The following RFC4 variants were observed in gnomAD, a reference collection of about 807,000 sequenced individuals.
RFC4 encodes the protein replication factor C subunit 4, also known as A1 37 kDa subunit.
In RFC4, 38 loss-of-function variants were observed where a neutral mutation model predicts 47.6. The observed-to-expected ratio is 0.80, with a 90% CI of 0.62 to 1.05. The LOEUF is 1.05. Ranked by LOEUF, RFC4 falls within the 50% of genes least tolerant of loss-of-function variation. The pLI is 0.00. For synonymous variants in RFC4, 164 were observed against 150.0 expected (o/e 1.09, Z -0.68); for missense variants, 489 against 434.0 (o/e 1.13, Z -1.13).
rs1579174387 is a variant in RFC4, at chr3:186,790,415, T to C, written c.802-9A>G. Reference sequence around the variant, plus strand: ...TTCTCAGCTGGTATTACCTAGGTAATTGAATGTTCGGTATTAAAGATGTTT... The same window carrying C: ...TTCTCAGCTGGTATTACCTAGGTAACTGAATGTTCGGTATTAAAGATGTTT... On this transcript the variant is annotated splice_polypyrimidine_tract_variant and intron_variant, in intron 8 of 10. Coordinates refer to ENST00000296273, the MANE Select transcript of RFC4 (RefSeq NM_002916.5). 1.3e-6 allele frequency: 2 copies of C among 1,595,314 alleles called. No homozygotes were observed. The highest frequency in any genetic ancestry group is 8.6e-7 in the Non-Finnish European group (1 of 1,162,914).
intron 2 of RFC4, among the ~76,000 whole-genome samples, chr3:186,804,088 C>T (rs1722421523): frequency 6.6e-6 from 1 of 152,018 alleles, no homozygotes; most frequent in South Asian, 2.1e-4. Flanking sequence ...GAGGCTGAGG[C>T]AGGATAATCA....
At chr3:186,794,887 G>C in intron 4 of RFC4, 110 bp from the exon 5 acceptor site, 1 of 1,181,138 alleles carries the variant, frequency 8.5e-7, no homozygotes, top group Non-Finnish European at 1.2e-6. Flanking sequence ...AAACAACATG[G>C]ATAGAAGGCA....
At chr3:186,804,317 C>T (rs1479608793) in intron 2 of RFC4, among the ~76,000 whole-genome samples, 1 of 152,164 alleles carries the variant, frequency 6.6e-6, no homozygotes, top group Admixed American at 6.5e-5. Context: ...TTGTTTTCTT[C>T]ACTTCTGTAT....
At position 186,793,015 on chromosome 3, in the gene RFC4, G is replaced by T. The variant is rs3917129; in HGVS notation, c.411-68C>A. On this transcript the variant is annotated intron_variant, in intron 5 of 10. Transcript: ENST00000296273. The surrounding 1 kb of genome is among the most constrained non-coding windows in gnomAD (Gnocchi z 4.2). ...ATTGGTTTTAACAGCTTTGTTGAAA[G>T]ATACACGTACCATACAATTCACCCA... 13,771 of 1,295,492 alleles carry T rather than the reference G, an allele frequency of 0.011. 263 individuals are homozygous for T. Among genetic ancestry groups the T allele is most frequent in the East Asian group, 0.081 (3,420 of 42,016 alleles). The allele number at this position is 1,295,492 out of a possible 1,614,324, so 80.2% of individuals were successfully genotyped here. A position where few individuals can be genotyped will look rare whatever the true frequency, so the allele number is the denominator to read the frequency against.
At chr3:186,800,988 T>C (rs1722339359) in intron 3 of RFC4, 129 bp downstream of exon 3, 2 of 664,436 alleles carry the variant, frequency 3.0e-6, no homozygotes, top group South Asian at 3.7e-5. Context: ...ATTGTACAAA[T>C]AGTTATCAAG....
chr3:186,797,492 G>T, intron 4 of RFC4, 43 bp downstream of exon 4: 2 of 1,332,874 alleles, frequency 1.5e-6, no homozygotes, highest in Non-Finnish European at 2.1e-6. Flanking sequence ...GAATTTTGGT[G>T]TCAAATCTTT....
intron 2 of RFC4, among the ~76,000 whole-genome samples, chr3:186,801,853 G>C (rs1171869377): frequency 2.0e-5 from 3 of 151,038 alleles, no homozygotes; most frequent in Admixed American, 6.6e-5. Context: ...GAGAAACACT[G>C]TCTCTACTAA....
rs542251802 is a variant in RFC4, at chr3:186,793,531, A to G, written c.411-584T>C. 6.6e-6 allele frequency among the ~76,000 whole-genome samples: 1 copy of G among 152,300 alleles called. No homozygotes were observed. The highest frequency in any genetic ancestry group is 2.1e-4 in the South Asian group (1 of 4,828). The stretch of plus-strand genomic sequence containing the variant: ...CATTTTACATTCCAACCAGCAATGT[A>G]TGCGGTTTACCATTTCTCCACATCC... On this transcript the variant is annotated intron_variant, in intron 5 of 10. Coordinates refer to ENST00000296273, the MANE Select transcript of RFC4 (RefSeq NM_002916.5). The surrounding 1 kb of genome is among the most constrained non-coding windows in gnomAD (Gnocchi z 4.2).
rs762657058 is a variant in RFC4 at position 186,790,069 on chromosome 3, G to A, written c.997-5C>T. On this transcript the variant is annotated splice_region_variant and splice_polypyrimidine_tract_variant and intron_variant, in intron 10 of 10. Transcript: ENST00000296273. ...TGCTAGGCATTTGTCAACTTCCTAC[G>A]AGAAAAATTTAAGAAATTAGCATCC... 48 of 1,612,314 alleles carry A rather than the reference G, an allele frequency of 3.0e-5. No individual in the cohort carries two copies. Among genetic ancestry groups the A allele is most frequent in the South Asian group, 1.6e-4 (15 of 90,972 alleles).
chr3:186,797,809 C>T (rs979258392), intron 3 of RFC4, among the ~76,000 whole-genome samples, 195 bp from the exon 4 acceptor site: 3 of 152,110 alleles, frequency 2.0e-5, no homozygotes, highest in Admixed American at 2.0e-4. Context: ...CATATACTAC[C>T]ACTTTTTTCC....
At position 186,792,827 on chromosome 3, in the gene RFC4, A is replaced by G; in HGVS notation, c.531T>C (p.Cys177=). The G allele has an allele frequency of 6.2e-7, 1 of 1,613,818 alleles. No homozygotes were observed. The highest frequency in any genetic ancestry group is 1.3e-5 in the African/African-American group (1 of 75,038). ...ACCGACTGACATAGTTACAGATAAG[A>G]CAGAATCGGGTGGTTTTCGACTCCT... ...MEKESKTTRF[C]LICNYVSRII... The change falls in exon 6 of 11, where the codon TGT becomes TGC. Residue 177 remains cysteine (C), a synonymous_variant. Coordinates refer to ENST00000296273, the MANE Select transcript of RFC4 (RefSeq NM_002916.5).
At chr3:186,794,945 T>G in intron 4 of RFC4, 168 bp from the exon 5 acceptor site, 4 of 670,822 alleles carry the variant, frequency 6.0e-6, no homozygotes, top group Middle Eastern at 4.1e-4. Flanking sequence ...GCAGTTAACA[T>G]TTTGGCTTTT....
chr3:186,802,023 CA>C (rs34264551), intron 2 of RFC4, among the ~76,000 whole-genome samples: 4,732 of 92,074 alleles, frequency 0.051, 75 homozygotes, highest in African/African-American at 0.084. Context: ...AACTTTATCT[CA>C]AAAAAAAAAA....
chr3:186,790,066 T>TA lies in RFC4; in HGVS notation c.997-3dup, dbSNP rs1174752154. 6.2e-7 allele frequency: 1 copy of TA among 1,613,130 alleles called. No homozygotes were observed. Among genetic ancestry groups the TA allele is most frequent in the Non-Finnish European group, 8.5e-7 (1 of 1,179,170 alleles). Reference sequence around the variant, plus strand: ...ATCTGCTAGGCATTTGTCAACTTCCTACGAGAAAAATTTAAGAAATTAGCA... The same window carrying TA: ...ATCTGCTAGGCATTTGTCAACTTCCTAACGAGAAAAATTTAAGAAATTAGCA... On this transcript the variant is annotated splice_polypyrimidine_tract_variant and splice_region_variant and intron_variant, in intron 10 of 10. Transcript: ENST00000296273.
At chr3:186,792,272 G>A (rs894280115) in intron 7 of RFC4, among the ~76,000 whole-genome samples, 1 of 152,060 alleles carries the variant, frequency 6.6e-6, no homozygotes, top group Non-Finnish European at 1.5e-5. Context: ...CCTCAGTTTC[G>A]GGTCTCTGAT....
At chr3:186,797,413 A>G in intron 4 of RFC4, 122 bp downstream of exon 4, 1 of 655,686 alleles carries the variant, frequency 1.5e-6, no homozygotes, top group South Asian at 2.1e-5. Flanking sequence ...ATTTTTAAAA[A>G]TCAGAAATAG....
chr3:186,791,654 T>C lies in RFC4; in HGVS notation c.801+71A>G, dbSNP rs765057193. ...GCACTTGCTAAACACCCAGTATTTG[T>C]TGGATGAAAATTTCCTAAAAGCCAC... On this transcript the variant is annotated intron_variant, in intron 8 of 10. Transcript: ENST00000296273. 6.5e-6 allele frequency: 9 copies of C among 1,378,652 alleles called. No homozygotes were observed. The African/African-American group carries it at 1.0e-4, about 15-fold the overall frequency. The allele number at this position is 1,378,652 out of a possible 1,614,324, so 85.4% of individuals were successfully genotyped here.
At chr3:186,790,488 A>G (rs926332321) in intron 8 of RFC4, 82 bp from the exon 9 acceptor site, 3 of 965,726 alleles carry the variant, frequency 3.1e-6, no homozygotes, top group Non-Finnish European at 3.4e-6. Context: ...CCGTGCCCCC[A>G]GTCATTTCTG....
Position 186,789,904 on chromosome 3 carries a change from T to TTTGGTCATTTTA in RFC4, c.*53_*64dup, listed in dbSNP as rs1379876197. 8.8e-6 allele frequency: 9 copies of TTTGGTCATTTTA among 1,023,448 alleles called. No individual in the cohort carries two copies. The highest frequency in any genetic ancestry group is 1.4e-5 in the South Asian group (1 of 71,042). 63.4% of individuals were successfully genotyped at this position (1,023,448 alleles called of 1,614,324 possible). A position where few individuals can be genotyped will look rare whatever the true frequency, so the allele number is the denominator to read the frequency against. ...ATTGTATATTCACTTTAAAGGTGCT[T>TTTGGTCATTTTA]TTGGTCATTTTATTTTTATTACAAC... On this transcript the variant is annotated 3_prime_UTR_variant, in exon 11 of 11. Coordinates refer to ENST00000296273, the MANE Select transcript of RFC4 (RefSeq NM_002916.5).
Sources: gnomAD v4.1 joint callset for allele counts (sites outside exome capture counted in the v4.1 genomes callset) on GRCh38, gnomAD v4.1.1 for gene constraint, Gnocchi (gnomAD v3.1) non-coding constraint, MANE v1.5 for transcripts, NCBI Gene and HGNC (gene_info 2026-07-23, HGNC 2026-07-21) for gene names.